The following HERC3 variants were observed in gnomAD, a reference collection of about 807,000 sequenced individuals.
HERC3 encodes HECT and RLD domain containing E3 ubiquitin protein ligase 3, also known as probable E3 ubiquitin-protein ligase HERC3.
Under a neutral mutation model 129.9 loss-of-function variants are expected in HERC3, and 58 were observed. That is an observed-to-expected ratio of 0.45 (90% CI 0.36 to 0.56). HERC3 has a LOEUF of 0.56. Ranked by LOEUF, HERC3 falls within the 20% of genes least tolerant of loss-of-function variation. The pLI is 0.00. For synonymous variants in HERC3, 430 were observed against 451.0 expected (o/e 0.95, Z 0.59); for missense variants, 835 against 1,244.2 (o/e 0.67, Z 4.95).
intron 1 of HERC3, among the ~76,000 whole-genome samples, 175 bp downstream of exon 1, chr4:88,592,749 CTGGGGCGCGGGGAGGT>C (rs1560648392): frequency 6.6e-6 from 1 of 152,048 alleles, no homozygotes; most frequent in African/African-American, 2.4e-5. Context: ...CGACCTGGGT[CTGGGGCGCGGGGAGGT>C]TGGGGCGCGG....
intron 7 of HERC3, 45 bp from the exon 8 acceptor site, chr4:88,655,129 C>G (rs776009533): frequency 6.2e-7 from 1 of 1,607,992 alleles, no homozygotes; most frequent in Non-Finnish European, 8.5e-7. Context: ...TAGAGGTATA[C>G]CCTTAAAGAT....
At chr4:88,577,054 T>C in the HERC3 span, among the ~76,000 whole-genome samples, 1,423 of 152,258 alleles carry the variant, frequency 9.3e-3, 26 homozygotes, top group African/African-American at 0.033. Context: ...CTGCTATAGA[T>C]TGGTAGAGTT....
the HERC3 span, among the ~76,000 whole-genome samples, chr4:88,539,123 T>G: frequency 6.6e-6 from 1 of 152,254 alleles, no homozygotes; most frequent in Non-Finnish European, 1.5e-5. Flanking sequence ...GGGCATCGCC[T>G]CACCTGGGAA....
At chr4:88,537,862 T>C in the HERC3 span, among the ~76,000 whole-genome samples, 1 of 152,242 alleles carries the variant, frequency 6.6e-6, no homozygotes, top group African/African-American at 2.4e-5. Context: ...GATCTGCATT[T>C]AGCAGCCCCT....
chr4:88,541,107 G>A, the HERC3 span, among the ~76,000 whole-genome samples: 1 of 152,172 alleles, frequency 6.6e-6, no homozygotes, highest in African/African-American at 2.4e-5. Context: ...AACCTTAAAT[G>A]TAAATGGGCT....
intron 16 of HERC3, among the ~76,000 whole-genome samples, chr4:88,672,758 A>G (rs530749988): frequency 6.6e-6 from 1 of 152,346 alleles, no homozygotes; most frequent in African/African-American, 2.4e-5. Context: ...GATTGTGGAA[A>G]TTAAATGGGA....
chr4:88,567,747 T>C, the HERC3 span, among the ~76,000 whole-genome samples: 11 of 152,246 alleles, frequency 7.2e-5, no homozygotes. Flanking sequence ...TATTTAATTA[T>C]CTCTCTGAAA....
chr4:88,664,088 A>T (rs951691166), intron 11 of HERC3, 65 bp from the exon 12 acceptor site: 1 of 1,387,008 alleles, frequency 7.2e-7, no homozygotes, highest in Non-Finnish European at 1.0e-6. Context: ...TTTATTATTG[A>T]TGCTTAAATA....
At chr4:88,592,828 C>T (rs757716629) in intron 1 of HERC3, among the ~76,000 whole-genome samples, 20 of 152,224 alleles carry the variant, frequency 1.3e-4, no homozygotes, top group Admixed American at 2.0e-4. Flanking sequence ...GCTCGCCCTC[C>T]GGTCAGAGAG....
At chr4:88,632,608 A>G (rs748870643) in intron 3 of HERC3, among the ~76,000 whole-genome samples, 3 of 152,376 alleles carry the variant, frequency 2.0e-5, no homozygotes, top group East Asian at 1.9e-4. Flanking sequence ...ACCAAATACC[A>G]TAACTAAAAT....
the HERC3 span, among the ~76,000 whole-genome samples, chr4:88,560,898 T>C: frequency 6.6e-6 from 1 of 152,192 alleles, no homozygotes; most frequent in Admixed American, 6.5e-5. Flanking sequence ...TGACTGTATA[T>C]GCTTGGATGT....
At chr4:88,533,423 C>T in the HERC3 span, among the ~76,000 whole-genome samples, 1 of 152,074 alleles carries the variant, frequency 6.6e-6, no homozygotes, top group Non-Finnish European at 1.5e-5. Flanking sequence ...CATTATTAAC[C>T]ATCACACCAT....
the HERC3 span, among the ~76,000 whole-genome samples, chr4:88,534,398 A>G: frequency 1.3e-5 from 2 of 152,224 alleles, no homozygotes; most frequent in East Asian, 3.8e-4. Flanking sequence ...CAAAATGTCA[A>G]CAGTGACCAG....
In HERC3 at chr4:88,656,012, G is replaced by A. The variant is rs755625380; in HGVS notation, c.1046G>A (p.Ser349Asn). 5 of 1,614,134 alleles carry A rather than the reference G, an allele frequency of 3.1e-6. No individual in the cohort carries two copies. In the Admixed American group the frequency reaches 6.7e-5, roughly 22 times the overall value. Residue 349 changes from serine (S) to asparagine (N), a missense_variant, in exon 9 of 26, where the codon AGT becomes AAT. Ser to Asn is a conservative substitution (Grantham distance 46). Transcript: ENST00000402738. ...SPVKGYWAAHSGQLSARADRF... is the reference protein window; with the variant it reads ...SPVKGYWAAHNGQLSARADRF... ...GTCAAGGGTTACTGGGCTGCCCACA[G>A]TGGCCAGCTTTCAGCCCGAGCTGGT...
chr4:88,668,053 G>A lies in HERC3; in HGVS notation c.1605G>A (p.Arg535=), dbSNP rs772623846. Residue 535 remains arginine (R), a synonymous_variant, in exon 14 of 26, where the codon CGG becomes CGA. Transcript: ENST00000402738. The stretch of plus-strand genomic sequence containing the variant: ...TTCCCTTGGCTATGGCCATTCTTCG[G>A]CTGGATACAAACCCCAGCAAAGTAC... The part of the protein sequence containing the change: ...LTIPLAMAIL[R]LDTNPSKVLD... The A allele has an allele frequency of 9.5e-5, 153 of 1,613,410 alleles. No homozygotes were observed. In the East Asian group the frequency reaches 3.4e-3, roughly 35 times the overall value.
chr4:88,664,034 T>A (rs576821982), intron 11 of HERC3, 119 bp from the exon 12 acceptor site: 1 of 732,032 alleles, frequency 1.4e-6, no homozygotes, highest in South Asian at 2.6e-5. Context: ...AAGCTTCAGC[T>A]GACAAAGAGC....
At chr4:88,537,628 A>G in the HERC3 span, among the ~76,000 whole-genome samples, 1 of 152,210 alleles carries the variant, frequency 6.6e-6, no homozygotes, top group Non-Finnish European at 1.5e-5. Flanking sequence ...ATGAGGTTAT[A>G]TTGAAGGCTA....
At chr4:88,574,073 G>T in the HERC3 span, among the ~76,000 whole-genome samples, 2 of 151,918 alleles carry the variant, frequency 1.3e-5, no homozygotes, top group Non-Finnish European at 2.9e-5. Flanking sequence ...TACCTCCTCC[G>T]CCCCCAGAAT....
the HERC3 span, among the ~76,000 whole-genome samples, chr4:88,539,703 C>T: frequency 6.6e-6 from 1 of 152,118 alleles, no homozygotes; most frequent in Non-Finnish European, 1.5e-5. Flanking sequence ...CCCTCTGGGA[C>T]GAAGCTTCCA....
Sources: allele counts gnomAD v4.1 joint callset (sites outside exome capture counted in the v4.1 genomes callset), GRCh38; gene constraint gnomAD v4.1.1; transcripts MANE v1.5; gene names NCBI Gene and HGNC (gene_info 2026-07-23, HGNC 2026-07-21).